SRGAP3: variants seen among roughly 807,000 people sequenced by gnomAD.
The protein encoded by SRGAP3 is SLIT-ROBO Rho GTPase activating protein 3, also known as SLIT-ROBO Rho GTPase-activating protein 3.
A neutral mutation model predicts 121.1 loss-of-function variants in SRGAP3; 39 were observed. The ratio of observed to expected loss-of-function variants is 0.32; its 90% CI spans 0.25 to 0.42. The LOEUF (loss-of-function observed/expected upper bound fraction) is 0.42. SRGAP3 is among the 10% of genes least tolerant of loss of function. The pLI is 1.00. For missense variants in SRGAP3, 1,213 were observed against 1,470.6 expected, an observed-to-expected ratio of 0.82 and a Z score of 2.86; for synonymous variants, 601 against 570.0, an observed-to-expected ratio of 1.05 and a Z score of -0.77.
At chr3:9,173,688 A>T (rs778189708) in intron 1 of SRGAP3, among the ~76,000 whole-genome samples, 21 of 146,372 alleles carry the variant, frequency 1.4e-4, no homozygotes, top group Admixed American at 2.7e-4. Context: ...GACCCTCCCC[A>T]CCCCTGCCCA....
chr3:9,010,472 G>T, intron 17 of SRGAP3, 85 bp from the exon 18 acceptor site: 1 of 1,480,062 alleles, frequency 6.8e-7, no homozygotes. Flanking sequence ...AGTCCAGTTG[G>T]CCTCTGGGCC....
chr3:9,270,820 A>C (rs76956006), intron 3 of SRGAP3, among the ~76,000 whole-genome samples: 1 of 151,648 alleles, frequency 6.6e-6, no homozygotes, highest in Non-Finnish European at 1.5e-5. Flanking sequence ...TTTTTTTTTA[A>C]GTCAATTCCT....
chr3:9,266,310 A>G (rs1954366693), intron 3 of SRGAP3, among the ~76,000 whole-genome samples: 2 of 152,094 alleles, frequency 1.3e-5, no homozygotes, highest in Admixed American at 6.6e-5. Context: ...ACCATGGCAC[A>G]TGTGTACCTA....
chr3:9,159,570 T>C (rs1022282033), intron 1 of SRGAP3, among the ~76,000 whole-genome samples: 1 of 152,200 alleles, frequency 6.6e-6, no homozygotes, highest in African/African-American at 2.4e-5. Context: ...TAAAGACACA[T>C]AACCTGGGTT....
intron 1 of SRGAP3, among the ~76,000 whole-genome samples, chr3:9,195,313 G>A (rs1951882834): frequency 6.6e-6 from 1 of 152,090 alleles, no homozygotes; most frequent in East Asian, 1.9e-4. Context: ...GTTAATAGTG[G>A]CTCACAACGT....
intron 2 of SRGAP3, among the ~76,000 whole-genome samples, chr3:9,328,957 G>A (rs1001412734): frequency 2.0e-5 from 3 of 151,862 alleles, no homozygotes; most frequent in Non-Finnish European, 4.4e-5. Flanking sequence ...AAGCTTACAA[G>A]GTCAAGCTCC....
intron 1 of SRGAP3, among the ~76,000 whole-genome samples, chr3:9,332,660 G>A (rs549902953): frequency 2.6e-5 from 4 of 152,212 alleles, no homozygotes; most frequent in South Asian, 2.1e-4. Flanking sequence ...ATAGGAAAAC[G>A]TGTGCTGAAA....
At chr3:9,186,392 C>T (rs182202343) in intron 1 of SRGAP3, among the ~76,000 whole-genome samples, 15 of 152,204 alleles carry the variant, frequency 9.9e-5, no homozygotes, top group East Asian at 1.9e-4. Context: ...GTTACATTGT[C>T]GGCTCCTTAA....
intron 1 of SRGAP3, among the ~76,000 whole-genome samples, chr3:9,351,622 A>G (rs1466254194): frequency 6.6e-6 from 1 of 152,248 alleles, no homozygotes; most frequent in East Asian, 1.9e-4. Context: ...CATGGACCGC[A>G]TATACAAAAG....
chr3:9,115,336 A>G (rs1389429026), intron 2 of SRGAP3, among the ~76,000 whole-genome samples: 3 of 152,266 alleles, frequency 2.0e-5, no homozygotes, highest in Non-Finnish European at 2.9e-5. Flanking sequence ...TAGCATCAAA[A>G]CTAAACCCGT....
intron 2 of SRGAP3, among the ~76,000 whole-genome samples, chr3:9,105,814 T>C (rs1482151627): frequency 1.3e-5 from 2 of 152,202 alleles, no homozygotes; most frequent in African/African-American, 2.4e-5. Flanking sequence ...CCCTCACAAG[T>C]TGAAGATATC....
At chr3:9,316,440 C>T (rs999804607) in intron 3 of SRGAP3, among the ~76,000 whole-genome samples, 4 of 150,700 alleles carry the variant, frequency 2.7e-5, no homozygotes, top group African/African-American at 9.7e-5. Context: ...GGGTGGATCC[C>T]AATGTCAGGA....
chr3:9,084,291 G>A (rs571377277), intron 3 of SRGAP3, among the ~76,000 whole-genome samples: 6 of 152,168 alleles, frequency 3.9e-5, no homozygotes, highest in Non-Finnish European at 7.3e-5. Context: ...GAAGCTGGAG[G>A]CCATCCCAAC....
intron 1 of SRGAP3, among the ~76,000 whole-genome samples, chr3:9,357,254 A>G (rs953636651): frequency 2.6e-5 from 4 of 152,104 alleles, no homozygotes; most frequent in Middle Eastern, 3.2e-3. Flanking sequence ...CAAAATATAT[A>G]TACATTTTTT....
At chr3:9,226,925 C>T (rs1953005718) in intron 1 of SRGAP3, among the ~76,000 whole-genome samples, 1 of 152,172 alleles carries the variant, frequency 6.6e-6, no homozygotes, top group Non-Finnish European at 1.5e-5. Flanking sequence ...CTTCTCCAAA[C>T]CCCGTCTGCA....
chr3:9,159,842 A>G (rs1190380621), intron 1 of SRGAP3, among the ~76,000 whole-genome samples: 1 of 152,122 alleles, frequency 6.6e-6, no homozygotes, highest in Non-Finnish European at 1.5e-5. Context: ...CCTGCCCGTT[A>G]TTTTTTTAAA....
chr3:9,211,284 G>T (rs1009664361), intron 1 of SRGAP3, among the ~76,000 whole-genome samples: 6 of 152,132 alleles, frequency 3.9e-5, no homozygotes. Flanking sequence ...ACCACATCTG[G>T]TCACAAGATG....
intron 3 of SRGAP3, among the ~76,000 whole-genome samples, chr3:9,279,580 C>A (rs1574967562): frequency 6.9e-6 from 1 of 144,350 alleles, no homozygotes; most frequent in Non-Finnish European, 1.5e-5. Flanking sequence ...GTGGCGCAAT[C>A]TCGGCTCACA....
At chr3:9,043,312 G>A (rs979788857) in intron 10 of SRGAP3, among the ~76,000 whole-genome samples, 19 of 151,980 alleles carry the variant, frequency 1.3e-4, no homozygotes, top group Admixed American at 6.6e-5. Context: ...CCACCACACC[G>A]GGCTCAATTA....
Sources: allele counts gnomAD v4.1 joint callset (sites outside exome capture counted in the v4.1 genomes callset), GRCh38; gene constraint gnomAD v4.1.1; transcripts MANE v1.5; gene names NCBI Gene and HGNC (gene_info 2026-07-23, HGNC 2026-07-21).